The following SPAG16 variants were observed in gnomAD, a reference collection of about 807,000 sequenced individuals.
The protein encoded by SPAG16 is sperm-associated antigen 16 protein.
SPAG16 carries 86 observed loss-of-function variants against 80.4 expected under a neutral mutation model. The observed-to-expected ratio is 1.07, with a 90% confidence interval of 0.90 to 1.28. The LOEUF (loss-of-function observed/expected upper bound fraction) is 1.28, where lower values mean the gene tolerates loss of function less well. Ranked by LOEUF, SPAG16 falls within the 50% of genes most tolerant of loss-of-function variation. The probability of loss-of-function intolerance (pLI) is 0.00; values close to 1 mark genes in which losing one functional copy is unlikely to be tolerated. For synonymous variants in SPAG16, 294 were observed against 265.9 expected (o/e 1.11, Z -1.03); for missense variants, 870 against 765.3 (o/e 1.14, Z -1.61).
At chr2:214,015,521 C>A (rs1021187780) in intron 13 of SPAG16, among the ~76,000 whole-genome samples, 2 of 151,494 alleles carry the variant, frequency 1.3e-5, no homozygotes, top group African/African-American at 4.9e-5. Flanking sequence ...TCGCTTGTAT[C>A]CAGGAGGCGG....
chr2:213,787,116 G>C (rs1437778331), intron 10 of SPAG16, among the ~76,000 whole-genome samples: 1 of 152,040 alleles, frequency 6.6e-6, no homozygotes, highest in Non-Finnish European at 1.5e-5. Flanking sequence ...AATGTATGCT[G>C]GGCTTAATAC....
rs529400108 is a variant in SPAG16, at chr2:213,346,551, G to A, written c.645-3977G>A. Among the ~76,000 whole-genome samples, 540 of 152,166 alleles carry A rather than the reference G, an allele frequency of 3.5e-3. 6 individuals are homozygous for A. The highest frequency in any genetic ancestry group is 0.012 in the African/African-American group (506 of 41,516). ...GATAGCTCTTATTATTTTGAGATAC[G>A]TCCCATCAATACCTCATTTATTGAG... On this transcript the variant is annotated intron_variant, in intron 6 of 15. Transcript: ENST00000331683.
chr2:214,079,695 T>C (rs1002056908), intron 13 of SPAG16, among the ~76,000 whole-genome samples: 1 of 152,156 alleles, frequency 6.6e-6, no homozygotes, highest in African/African-American at 2.4e-5. Context: ...ATAATATAAA[T>C]CATTGGCTTG....
At chr2:213,722,116 A>T (rs1054583803) in intron 10 of SPAG16, among the ~76,000 whole-genome samples, 3 of 152,254 alleles carry the variant, frequency 2.0e-5, no homozygotes, top group African/African-American at 7.2e-5. Flanking sequence ...GAAACTAATT[A>T]TAGTCTAAAC....
intron 13 of SPAG16, among the ~76,000 whole-genome samples, chr2:214,073,857 A>G (rs991728636): frequency 6.6e-6 from 1 of 152,196 alleles, no homozygotes; most frequent in Admixed American, 6.5e-5. Flanking sequence ...AAGTAGAGTA[A>G]TGGAACAAAA....
At chr2:214,349,385 A>G (rs1163411216) in intron 15 of SPAG16, among the ~76,000 whole-genome samples, 1 of 152,244 alleles carries the variant, frequency 6.6e-6, no homozygotes. Context: ...TCTTTTATTC[A>G]GCATAATGTT....
chr2:213,832,433 A>T (rs1409552891), intron 10 of SPAG16, among the ~76,000 whole-genome samples: 1 of 152,026 alleles, frequency 6.6e-6, no homozygotes, highest in African/African-American at 2.4e-5. Flanking sequence ...CCTGTCTCTC[A>T]TCCCTCTTTC....
Position 213,680,690 on chromosome 2 carries a change from G to T in SPAG16, c.1071-181795G>T, listed in dbSNP as rs879925567. 6.6e-5 allele frequency among the ~76,000 whole-genome samples: 10 copies of T among 152,236 alleles called. No individual in the cohort carries two copies. In the East Asian group the frequency reaches 1.5e-3, roughly 24 times the overall value. On this transcript the variant is annotated intron_variant, in intron 10 of 15. Transcript: ENST00000331683. ...TCAAACTCTGTAAAATATTTTAAGAGATTTATTCTGAACCAAATATGAATG... is the reference window on the plus strand; with the variant it reads ...TCAAACTCTGTAAAATATTTTAAGATATTTATTCTGAACCAAATATGAATG...
At chr2:213,641,903 T>C (rs2062606090) in intron 10 of SPAG16, among the ~76,000 whole-genome samples, 1 of 152,134 alleles carries the variant, frequency 6.6e-6, no homozygotes, top group South Asian at 2.1e-4. Flanking sequence ...CAGCAGGAGA[T>C]AGTGTGAACA....
Position 213,353,750 on chromosome 2 carries a change from A to G in SPAG16, c.762+3105A>G, listed in dbSNP as rs569387311. 2.1e-4 allele frequency among the ~76,000 whole-genome samples: 32 copies of G among 152,234 alleles called. No individual in the cohort carries two copies. In the Middle Eastern group the frequency reaches 0.014, roughly 65 times the overall value. The stretch of plus-strand genomic sequence containing the variant: ...GTTCTATTGGATGGAATATCTTCCT[A>G]TCTTCTTTCATGTTACAGGATGCTC... On this transcript the variant is annotated intron_variant, in intron 7 of 15. Coordinates refer to ENST00000331683, the MANE Select transcript of SPAG16 (RefSeq NM_024532.5).
chr2:214,336,050 C>T (rs536365707), intron 15 of SPAG16, among the ~76,000 whole-genome samples: 246 of 152,180 alleles, frequency 1.6e-3, no homozygotes, highest in African/African-American at 5.7e-3. Context: ...AGCCACCACG[C>T]CCAAGCCTAT....
In SPAG16 at chr2:214,129,628, T is replaced by C. The variant is rs992601486; in HGVS notation, c.1594-19512T>C. On this transcript the variant is annotated intron_variant, in intron 14 of 15. Coordinates refer to ENST00000331683, the MANE Select transcript of SPAG16 (RefSeq NM_024532.5). ...CTATACAAAATAAAAGTTGGCAGTA[T>C]GTTTGAAGAAGACCTTAATTATAGT... 2.0e-5 allele frequency among the ~76,000 whole-genome samples: 3 copies of C among 152,280 alleles called. No homozygotes were observed. The South Asian group carries it at 6.2e-4, about 32-fold the overall frequency.
At chr2:214,268,890 C>T (rs1559168489) in intron 15 of SPAG16, among the ~76,000 whole-genome samples, 1 of 151,884 alleles carries the variant, frequency 6.6e-6, no homozygotes, top group South Asian at 2.1e-4. Context: ...TGCTATTCGG[C>T]AGTAATTTTT....
At chr2:214,395,736 T>C (rs1048958750) in intron 15 of SPAG16, among the ~76,000 whole-genome samples, 5 of 152,062 alleles carry the variant, frequency 3.3e-5, no homozygotes, top group Admixed American at 6.6e-5. Flanking sequence ...TTTGTGTCCT[T>C]GTGTTCTTAT....
At chr2:213,634,067 A>G (rs543081064) in intron 10 of SPAG16, among the ~76,000 whole-genome samples, 1 of 151,718 alleles carries the variant, frequency 6.6e-6, no homozygotes, top group Non-Finnish European at 1.5e-5. Flanking sequence ...CCATTTTGTT[A>G]TTTGTTTTTG....
At chr2:213,471,841 A>C (rs2073097110) in intron 9 of SPAG16, among the ~76,000 whole-genome samples, 1 of 152,200 alleles carries the variant, frequency 6.6e-6, no homozygotes, top group Non-Finnish European at 1.5e-5. Flanking sequence ...CCCACTAGGC[A>C]TTGTGCCTCT....
At chr2:214,084,121 A>G (rs12477324) in intron 13 of SPAG16, among the ~76,000 whole-genome samples, 143,338 of 152,196 alleles carry the variant, frequency 0.94, 67,993 homozygotes, top group Non-Finnish European at 0.99. Flanking sequence ...CTCTTCCTTT[A>G]CATGCCTCCC....
intron 5 of SPAG16, among the ~76,000 whole-genome samples, chr2:213,328,684 T>C (rs2063946636): frequency 6.6e-6 from 1 of 152,132 alleles, no homozygotes; most frequent in Non-Finnish European, 1.5e-5. Flanking sequence ...TTGTCCATCC[T>C]CTGTGTTATG....
intron 7 of SPAG16, among the ~76,000 whole-genome samples, chr2:213,359,162 G>A (rs562190504): frequency 6.6e-6 from 1 of 152,106 alleles, no homozygotes; most frequent in East Asian, 1.9e-4. Context: ...TCCCAGAGGG[G>A]CACCTGCCTA....
Sources: gnomAD v4.1 joint callset for allele counts (sites outside exome capture counted in the v4.1 genomes callset) on GRCh38, gnomAD v4.1.1 for gene constraint, MANE v1.5 for transcripts, NCBI Gene and HGNC (gene_info 2026-07-23, HGNC 2026-07-21) for gene names.